LTBP1: variants seen among roughly 807,000 people sequenced by gnomAD.
LTBP1 encodes the protein latent transforming growth factor beta binding protein 1, also known as latent-transforming growth factor beta-binding protein 1.
In LTBP1, 129 loss-of-function variants were observed where a neutral mutation model predicts 207.6. The observed-to-expected ratio is 0.62, with a 90% CI of 0.54 to 0.72. LTBP1 has a LOEUF of 0.72. LTBP1 is among the 30% of genes least tolerant of loss of function. The pLI, the probability that LTBP1 is intolerant of heterozygous loss-of-function variation, is 0.00. For missense variants in LTBP1, 2,281 were observed against 2,217.2 expected (o/e 1.03, Z -0.58); for synonymous variants, 963 against 833.7 (o/e 1.16, Z -2.67).
At chr2:33,382,117 C>CA (rs2095222922) in intron 31 of LTBP1, among the ~76,000 whole-genome samples, 1 of 59,748 alleles carries the variant, frequency 1.7e-5, no homozygotes, top group Non-Finnish European at 3.1e-5. Flanking sequence ...TTTTTTGAGA[C>CA]AGAGTCTCGC....
At chr2:32,981,557 G>A (rs1682765938) in intron 2 of LTBP1, among the ~76,000 whole-genome samples, 1 of 152,112 alleles carries the variant, frequency 6.6e-6, no homozygotes, top group Admixed American at 6.5e-5. Flanking sequence ...CTTACATGCA[G>A]GACTGGAAAG....
intron 3 of LTBP1, among the ~76,000 whole-genome samples, chr2:33,044,084 G>A (rs1488181665): frequency 6.6e-6 from 1 of 151,330 alleles, no homozygotes; most frequent in Non-Finnish European, 1.5e-5. Context: ...CAAAAGGAAA[G>A]CATTTAGACC....
chr2:33,182,753 T>G (rs2086804493), intron 5 of LTBP1, among the ~76,000 whole-genome samples: 1 of 142,280 alleles, frequency 7.0e-6, no homozygotes, highest in African/African-American at 2.6e-5. Context: ...TATATGTATG[T>G]ATGTGTACAC....
At chr2:33,321,220 T>G (rs148220069) in intron 24 of LTBP1, among the ~76,000 whole-genome samples, 1 of 152,194 alleles carries the variant, frequency 6.6e-6, no homozygotes, top group African/African-American at 2.4e-5. Context: ...ACTCCCACAG[T>G]ATACCCAAAG....
intron 3 of LTBP1, among the ~76,000 whole-genome samples, chr2:33,100,290 A>G (rs2079643170): frequency 6.6e-6 from 1 of 152,150 alleles, no homozygotes; most frequent in South Asian, 2.1e-4. Context: ...TGTGGGATAG[A>G]AGTATATACC....
chr2:32,988,263 C>T (rs1227345195), intron 2 of LTBP1, among the ~76,000 whole-genome samples: 1 of 152,198 alleles, frequency 6.6e-6, no homozygotes, highest in Non-Finnish European at 1.5e-5. Flanking sequence ...AAAACAGCCA[C>T]AGGAAAATTG....
At chr2:32,975,440 A>G (rs1001813968) in intron 2 of LTBP1, among the ~76,000 whole-genome samples, 7 of 151,982 alleles carry the variant, frequency 4.6e-5, no homozygotes, top group African/African-American at 1.7e-4. Flanking sequence ...GAGGTTAGGG[A>G]AATTTTTGTG....
chr2:33,311,731 A>C (rs1158504829), intron 23 of LTBP1, among the ~76,000 whole-genome samples: 2 of 152,176 alleles, frequency 1.3e-5, no homozygotes, highest in Non-Finnish European at 2.9e-5. Context: ...GTCACACGGA[A>C]CTAATTTAGT....
chr2:33,236,583 ACT>A (rs1291421288), intron 9 of LTBP1, among the ~76,000 whole-genome samples: 1 of 152,076 alleles, frequency 6.6e-6, no homozygotes, highest in Non-Finnish European at 1.5e-5. Context: ...TATTTTATTA[ACT>A]CTTCCTCAGG....
chr2:33,291,166 CT>C (rs1401252773), intron 19 of LTBP1, among the ~76,000 whole-genome samples: 1 of 152,152 alleles, frequency 6.6e-6, no homozygotes, highest in Non-Finnish European at 1.5e-5. Flanking sequence ...TCAGGCTACC[CT>C]AGATATTTCA....
intron 32 of LTBP1, among the ~76,000 whole-genome samples, chr2:33,395,178 C>T (rs1574156547): frequency 1.3e-5 from 2 of 152,300 alleles, no homozygotes; most frequent in Admixed American, 6.5e-5. Context: ...TGCCATTCTA[C>T]ATAGCATCGT....
At chr2:33,010,721 C>CTTTT (rs1256189915) in intron 2 of LTBP1, among the ~76,000 whole-genome samples, 1 of 134,832 alleles carries the variant, frequency 7.4e-6, no homozygotes, top group Admixed American at 7.5e-5. Context: ...GATTTTAATC[C>CTTTT]TTTTTTTTTT....
chr2:33,241,287 G>A (rs531183474), intron 9 of LTBP1, among the ~76,000 whole-genome samples: 11 of 152,304 alleles, frequency 7.2e-5, no homozygotes, highest in African/African-American at 1.9e-4. Context: ...AGTCTTACAC[G>A]ATTCTTCGTC....
intron 23 of LTBP1, 49 bp from the exon 24 acceptor site, chr2:33,315,095 A>C (rs764164564): frequency 1.4e-5 from 21 of 1,514,288 alleles, no homozygotes; most frequent in Middle Eastern, 1.8e-4. Context: ...AGTATATGGG[A>C]ATGAAACCGA....
chr2:33,351,916 T>C (rs1479997139), intron 26 of LTBP1, among the ~76,000 whole-genome samples: 2 of 152,214 alleles, frequency 1.3e-5, no homozygotes, highest in African/African-American at 4.8e-5. Context: ...GTTATTCCCC[T>C]GGGATATTTC....
chr2:33,305,403 G>A (rs139421113), intron 22 of LTBP1, among the ~76,000 whole-genome samples: 89 of 151,836 alleles, frequency 5.9e-4, no homozygotes, highest in African/African-American at 2.0e-3. Context: ...ATAGAGCGGG[G>A]TATATGGGGA....
chr2:33,280,180 T>A (rs367827445), intron 19 of LTBP1, 22 bp downstream of exon 19: 2 of 1,593,240 alleles, frequency 1.3e-6, no homozygotes, highest in Admixed American at 1.8e-5. Context: ...AGTGTACTTA[T>A]CAAAGATTTG....
chr2:33,164,352 GAAAAAAAAAAAAAAAAAAA>G (rs56916166), intron 5 of LTBP1, among the ~76,000 whole-genome samples: 2,242 of 28,260 alleles, frequency 0.079, 48 homozygotes, highest in East Asian at 0.13. Context: ...TTCCTCTCAG[GAAAAAAAAAAAAAAAAAAA>G]AAAAAAAAAG....
chr2:33,002,953 C>T (rs972055991), intron 2 of LTBP1, among the ~76,000 whole-genome samples: 2 of 152,208 alleles, frequency 1.3e-5, no homozygotes, highest in Admixed American at 1.3e-4. Context: ...GCTGGGATTA[C>T]AGGCGTAAGC....
Sources: allele counts gnomAD v4.1 joint callset (sites outside exome capture counted in the v4.1 genomes callset), GRCh38; gene constraint gnomAD v4.1.1; transcripts MANE v1.5; gene names NCBI Gene and HGNC (gene_info 2026-07-23, HGNC 2026-07-21).